PADI3: variants seen among roughly 807,000 people sequenced by gnomAD.
PADI3 encodes protein-arginine deiminase type-3.
In PADI3, 53 loss-of-function variants were observed where a neutral mutation model predicts 71.5. The observed-to-expected ratio is 0.74, with a 90% CI of 0.59 to 0.93. The LOEUF is 0.93. Among genes scored for constraint, PADI3 ranks in the 40% least tolerant of loss-of-function variants. PADI3 has a pLI of 0.00. For synonymous variants in PADI3, 361 were observed against 347.5 expected (o/e 1.04, Z -0.43); for missense variants, 821 against 868.0 (o/e 0.95, Z 0.68).
chr1:17,270,412 G>A lies in PADI3; in HGVS notation c.831+1G>A. 1 of 1,612,198 alleles carries A rather than the reference G, an allele frequency of 6.2e-7. No homozygotes were observed. Among genetic ancestry groups the A allele is most frequent in the Non-Finnish European group, 8.5e-7 (1 of 1,179,104 alleles). ...CACTCTGCTGGACGACTCCAACGAG[G>A]TAGGGACAGAGGGGGTTCAAGAGGA... On this transcript the variant is annotated splice_donor_variant, in intron 7 of 15. Transcript: ENST00000375460. LOFTEE classifies it high-confidence loss of function.
chr1:17,264,775 C>T (rs571802756), intron 3 of PADI3, among the ~76,000 whole-genome samples: 9 of 152,096 alleles, frequency 5.9e-5, no homozygotes, highest in Non-Finnish European at 1.2e-4. Context: ...CTTTGGGAGG[C>T]TGGGGTGGGT....
intron 9 of PADI3, among the ~76,000 whole-genome samples, chr1:17,272,297 G>A (rs2073265953): frequency 6.6e-6 from 1 of 152,080 alleles, no homozygotes; most frequent in Admixed American, 6.5e-5. Flanking sequence ...CTGGTTCTGA[G>A]AAAGGCAAGG....
chr1:17,266,523 C>T (rs1010092578), intron 4 of PADI3, among the ~76,000 whole-genome samples, 196 bp from the exon 5 acceptor site: 2 of 152,220 alleles, frequency 1.3e-5, no homozygotes, highest in Non-Finnish European at 1.5e-5. Context: ...CCATGAAAGA[C>T]AGCTCTGTGC....
At chr1:17,274,163 C>T (rs1490500655) in intron 10 of PADI3, among the ~76,000 whole-genome samples, 2 of 152,224 alleles carry the variant, frequency 1.3e-5, no homozygotes, top group Admixed American at 6.5e-5. Context: ...TTGATGTTGT[C>T]GAAGTTGCTT....
chr1:17,278,626 A>G lies in PADI3; in HGVS notation c.1556-1724A>G, dbSNP rs2073364090. On this transcript the variant is annotated intron_variant, in intron 13 of 15. Transcript: ENST00000375460. ...TGGAGTCATCTGGCAAGCTTGCTGGAAGCGTTCTCAAATTCACTCCCTTTC... is the reference window on the plus strand; with the variant it reads ...TGGAGTCATCTGGCAAGCTTGCTGGGAGCGTTCTCAAATTCACTCCCTTTC... Among the ~76,000 whole-genome samples, 5 of 152,010 alleles carry G rather than the reference A, an allele frequency of 3.3e-5. No individual in the cohort carries two copies. The South Asian group carries it at 1.0e-3, about 32-fold the overall frequency.
chr1:17,257,677 A>G (rs1201612327), intron 1 of PADI3, among the ~76,000 whole-genome samples: 1 of 152,108 alleles, frequency 6.6e-6, no homozygotes. Context: ...AGCTGCTTTG[A>G]GATGTAAGAG....
intron 1 of PADI3, among the ~76,000 whole-genome samples, chr1:17,253,165 T>C (rs541259065): frequency 8.9e-4 from 136 of 152,296 alleles, no homozygotes; most frequent in Non-Finnish European, 1.7e-3. Context: ...CTCGCCTGGA[T>C]TGGAGGTCCT....
chr1:17,270,061 G>A (rs1242686241), intron 6 of PADI3, among the ~76,000 whole-genome samples, 172 bp from the exon 7 acceptor site: 7 of 152,092 alleles, frequency 4.6e-5, no homozygotes, highest in Admixed American at 6.6e-5. Flanking sequence ...TCCCCCAGCC[G>A]TGGCCCCCAC....
intron 10 of PADI3, among the ~76,000 whole-genome samples, chr1:17,273,990 C>A (rs1042803059): frequency 6.6e-6 from 1 of 152,154 alleles, no homozygotes; most frequent in Admixed American, 6.5e-5. Flanking sequence ...CCACTATTAG[C>A]TAGTATCATT....
At chr1:17,257,643 G>C (rs1423569090) in intron 1 of PADI3, among the ~76,000 whole-genome samples, 1 of 152,166 alleles carries the variant, frequency 6.6e-6, no homozygotes, top group Non-Finnish European at 1.5e-5. Context: ...GCTTGGGCTT[G>C]GTTTATTTCC....
chr1:17,255,295 C>T (rs937695350), intron 1 of PADI3, among the ~76,000 whole-genome samples: 1 of 152,198 alleles, frequency 6.6e-6, no homozygotes, highest in South Asian at 2.1e-4. Context: ...CACATTTTAC[C>T]CCCAACTCAC....
At chr1:17,274,486 T>TC (rs1170116167) in intron 10 of PADI3, 149 bp from the exon 11 acceptor site, 4 of 649,002 alleles carry the variant, frequency 6.2e-6, no homozygotes, top group Non-Finnish European at 1.1e-5. Context: ...CTGGGTCAGA[T>TC]CCCCCACCCA....
At position 17,276,520 on chromosome 1, in the gene PADI3, T is replaced by A. The variant is rs747768355; in HGVS notation, c.1309T>A (p.Ser437Thr). ...RILIGGNLPGSSGRRVTQVVR... is the reference protein window; with the variant it reads ...RILIGGNLPGTSGRRVTQVVR... The stretch of plus-strand genomic sequence containing the variant: ...TTTTTTTAACCTCGTGGGTCCCAGG[T>A]CAAGTGGCCGCAGGGTCACCCAGGT... The change falls in exon 12 of 16, where the codon TCA (serine) becomes ACA (threonine). Residue 437 changes from serine (S) to threonine (T), a missense_variant and splice_region_variant. Coordinates refer to ENST00000375460, the MANE Select transcript of PADI3 (RefSeq NM_016233.2). 4 of 1,613,890 alleles carry A rather than the reference T, an allele frequency of 2.5e-6. No individual in the cohort carries two copies. The African/African-American group carries it at 5.3e-5, about 22-fold the overall frequency.
In PADI3 at chr1:17,271,083, T is replaced by C. The variant is rs752098569; in HGVS notation, c.952T>C (p.Cys318Arg). Residue 318 changes from cysteine to arginine, a missense_variant, in exon 9 of 16, where the codon TGT becomes CGT. By Grantham distance (180) the Cys-to-Arg change is radical (BLOSUM62 -3). Coordinates refer to ENST00000375460, the MANE Select transcript of PADI3 (RefSeq NM_016233.2). The stretch of plus-strand genomic sequence containing the variant: ...TGTCCGTAGTGTGAGGAACAACACG[T>C]GTTTTGTGGATGCGGTGGCAGAGCT... ...VYVCRVRNNT[C>R]FVDAVAELAR... 2 of 1,613,800 alleles carry C rather than the reference T, an allele frequency of 1.2e-6. No individual in the cohort carries two copies. The highest frequency in any genetic ancestry group is 2.2e-5 in the East Asian group (1 of 44,842).
chr1:17,271,387 T>G (rs1470886915), intron 9 of PADI3, among the ~76,000 whole-genome samples: 2 of 152,180 alleles, frequency 1.3e-5, no homozygotes, highest in Non-Finnish European at 2.9e-5. Flanking sequence ...ACCCACCGGA[T>G]CTGGGCTAGG....
intron 1 of PADI3, among the ~76,000 whole-genome samples, chr1:17,249,573 A>G (rs928229342): frequency 2.0e-5 from 3 of 152,246 alleles, no homozygotes; most frequent in African/African-American, 7.2e-5. Context: ...GCACACAAGA[A>G]TAGGAACAGG....
intron 6 of PADI3, among the ~76,000 whole-genome samples, chr1:17,268,928 C>T (rs552007220): frequency 2.7e-5 from 4 of 150,632 alleles, no homozygotes; most frequent in South Asian, 2.1e-4. Context: ...CTCTGTTGCC[C>T]GGGCTGGAGT....
intron 9 of PADI3, among the ~76,000 whole-genome samples, chr1:17,272,326 G>C (rs2073266458): frequency 1.3e-5 from 2 of 152,142 alleles, no homozygotes; most frequent in Admixed American, 6.5e-5. Flanking sequence ...CGGAGACCTT[G>C]AATTCCAAGT....
chr1:17,270,502 G>T (rs548465532), intron 7 of PADI3, 91 bp downstream of exon 7: 7 of 1,046,112 alleles, frequency 6.7e-6, no homozygotes, highest in Non-Finnish European at 9.6e-6. Context: ...AAAAAAAATA[G>T]CGAGGTATAG....
Sources: allele counts gnomAD v4.1 joint callset (sites outside exome capture counted in the v4.1 genomes callset), GRCh38; gene constraint gnomAD v4.1.1; transcripts MANE v1.5; gene names NCBI Gene and HGNC (gene_info 2026-07-23, HGNC 2026-07-21).